The following TACC1 variants were observed in gnomAD, a reference collection of about 807,000 sequenced individuals.
TACC1 encodes transforming acidic coiled-coil-containing protein 1.
In TACC1, 48 loss-of-function variants were observed where a neutral mutation model predicts 84.4. The observed-to-expected ratio is 0.57, with a 90% CI of 0.45 to 0.72. The LOEUF is 0.72. TACC1 is among the 30% of genes least tolerant of loss of function. The pLI, the probability that TACC1 is intolerant of heterozygous loss-of-function variation, is 0.00. For synonymous variants in TACC1, 372 were observed against 376.3 expected, an observed-to-expected ratio of 0.99 and a Z score of 0.13; for missense variants, 920 against 973.0, an observed-to-expected ratio of 0.95 and a Z score of 0.72.
In TACC1 at chr8:38,787,590, T is replaced by C; in HGVS notation, c.8T>C (p.Phe3Ser). 2 of 1,541,352 alleles carry C rather than the reference T, an allele frequency of 1.3e-6. No homozygotes were observed. The highest frequency in any genetic ancestry group is 1.2e-5 in the South Asian group (1 of 83,866). ...GCCGGAGGAGCCGCGCTCATGGCGT[T>C]CAGCCCGTGGCAGATCCTGTCCCCC... is the stretch of plus-strand genomic sequence containing the variant. MA[F>S]SPWQILSPVQ... Residue 3 changes from phenylalanine to serine, a missense_variant, in exon 1 of 13, where the codon TTC becomes TCC. Phe to Ser is a radical substitution (Grantham distance 155, BLOSUM62 -2). Around this residue, in one of 2 missense-constraint regions of TACC1, gnomAD observed 762 missense variants for 747.3 expected, o/e 1.02. Transcript: ENST00000317827.
At chr8:38,789,804 G>A (rs1315734004) in intron 2 of TACC1, among the ~76,000 whole-genome samples, 1 of 152,156 alleles carries the variant, frequency 6.6e-6, no homozygotes, top group Non-Finnish European at 1.5e-5. Context: ...TAAGGTGGAG[G>A]GTTCATGGTA....
intron 3 of TACC1, chr8:38,757,136 C>A: frequency 3.3e-6 from 2 of 610,636 alleles, no homozygotes; most frequent in South Asian, 2.3e-5. Flanking sequence ...CCCTGCAATC[C>A]GCGGAGAAGT....
intron 1 of TACC1, among the ~76,000 whole-genome samples, chr8:38,741,904 A>G (rs1421064394): frequency 6.6e-6 from 1 of 152,222 alleles, no homozygotes; most frequent in Non-Finnish European, 1.5e-5. Flanking sequence ...AAAAAAAATC[A>G]ATAAAAATCT....
chr8:38,841,686 C>G (rs757003645), intron 9 of TACC1, among the ~76,000 whole-genome samples: 15 of 152,094 alleles, frequency 9.9e-5, no homozygotes, highest in Non-Finnish European at 1.9e-4. Flanking sequence ...TGTTGGTGGC[C>G]TGGTCACATC....
intron 2 of TACC1, among the ~76,000 whole-genome samples, chr8:38,744,699 C>T (rs1807731951): frequency 6.6e-6 from 1 of 151,632 alleles, no homozygotes; most frequent in Non-Finnish European, 1.5e-5. Context: ...TTAAAATTGC[C>T]CATCAGGGTC....
chr8:38,801,262 T>C (rs1353780564), intron 2 of TACC1, among the ~76,000 whole-genome samples: 1 of 152,248 alleles, frequency 6.6e-6, no homozygotes, highest in African/African-American at 2.4e-5. Context: ...TTGTCTCTTA[T>C]GCCTTGATGT....
rs1243308484 is a variant in TACC1 at position 38,851,885 on chromosome 8, A to G, written c.*3862A>G. ...AAGGTCTAAGAAGTCATCTCCTTCA[A>G]ATACTTTAATAAAGAAGTATTTCGA... is the stretch of plus-strand genomic sequence containing the variant. On this transcript the variant is annotated 3_prime_UTR_variant, in exon 13 of 13. Transcript: ENST00000317827. 2.2e-6 allele frequency: 1 copy of G among 455,728 alleles called. No individual in the cohort carries two copies. The highest frequency in any genetic ancestry group is 2.3e-5 in the Admixed American group (1 of 42,564). The allele number at this position is 455,728 out of a possible 1,614,324, so 28.2% of individuals were successfully genotyped here.
intron 1 of TACC1, among the ~76,000 whole-genome samples, chr8:38,731,085 G>A (rs1343750742): frequency 1.3e-5 from 2 of 152,042 alleles, no homozygotes; most frequent in African/African-American, 4.8e-5. Context: ...GCACCACTAT[G>A]CCTGGCTATT....
intron 7 of TACC1, among the ~76,000 whole-genome samples, chr8:38,836,490 C>T (rs1158233281): frequency 1.3e-5 from 2 of 152,186 alleles, no homozygotes; most frequent in Non-Finnish European, 2.9e-5. Context: ...AAAATGTTGA[C>T]AATCTGAAAT....
At chr8:38,825,418 G>T in intron 4 of TACC1, 50 bp downstream of exon 4, 1 of 1,606,124 alleles carries the variant, frequency 6.2e-7, no homozygotes, top group Non-Finnish European at 8.5e-7. Context: ...GGGTCCTCCA[G>T]TGGGAGTTTG....
At chr8:38,808,739 T>C (rs549356420) in intron 2 of TACC1, among the ~76,000 whole-genome samples, 2 of 152,308 alleles carry the variant, frequency 1.3e-5, no homozygotes, top group East Asian at 3.9e-4. Flanking sequence ...CAGCACTAGG[T>C]ATATGGGGTT....
intron 5 of TACC1, among the ~76,000 whole-genome samples, chr8:38,829,208 T>G (rs1205152238): frequency 3.3e-5 from 5 of 152,226 alleles, no homozygotes; most frequent in African/African-American, 1.2e-4. Flanking sequence ...ATTTTAAAAG[T>G]CATGATCTGC....
chr8:38,772,875 AATAAAACAAATATTTAAACATGC>A (rs1813937538), intron 3 of TACC1, among the ~76,000 whole-genome samples: 4 of 152,034 alleles, frequency 2.6e-5, no homozygotes, highest in Admixed American at 2.6e-4. Context: ...AATAAACACT[AATAAAACAAATATTTAAACATGC>A]ATAAAGTACT....
intron 2 of TACC1, chr8:38,744,263 T>C (rs561143399): frequency 2.6e-5 from 4 of 152,318 alleles, no homozygotes; most frequent in Admixed American, 6.5e-5. Context: ...AACTTGACAC[T>C]TCTATTTTCT....
At chr8:38,772,905 T>A (rs1813945801) in intron 3 of TACC1, among the ~76,000 whole-genome samples, 1 of 152,122 alleles carries the variant, frequency 6.6e-6, no homozygotes, top group South Asian at 2.1e-4. Context: ...ATGCATAAAG[T>A]ACTCACCTCT....
intron 2 of TACC1, among the ~76,000 whole-genome samples, chr8:38,809,280 C>T (rs1823506758): frequency 6.6e-6 from 1 of 152,132 alleles, no homozygotes; most frequent in East Asian, 1.9e-4. Flanking sequence ...GAAGCCATCT[C>T]ATACAGTACT....
chr8:38,739,472 C>T (rs1002381435), intron 1 of TACC1, among the ~76,000 whole-genome samples: 2 of 152,140 alleles, frequency 1.3e-5, no homozygotes, highest in African/African-American at 2.4e-5. Context: ...TTTTGCCTTT[C>T]GTCTTAACGG....
At chr8:38,769,221 A>C (rs1351224940) in intron 3 of TACC1, among the ~76,000 whole-genome samples, 1 of 101,268 alleles carries the variant, frequency 9.9e-6, no homozygotes, top group Admixed American at 1.1e-4. Flanking sequence ...TGGTGTGTGT[A>C]TGTGTATGAG....
chr8:38,761,517 A>T (rs1425553656), intron 3 of TACC1, among the ~76,000 whole-genome samples: 2 of 152,262 alleles, frequency 1.3e-5, no homozygotes, highest in African/African-American at 4.8e-5. Context: ...AGTCAGCAAC[A>T]GCTAGGGTGA....
Sources: gnomAD v4.1 joint callset for allele counts (sites outside exome capture counted in the v4.1 genomes callset) on GRCh38, gnomAD v4.1.1 for gene constraint, gnomAD v4.1.1 regional missense constraint, MANE v1.5 for transcripts, NCBI Gene and HGNC (gene_info 2026-07-23, HGNC 2026-07-21) for gene names.